Variants in MCOLN2 observed in about 807,000 individuals in gnomAD.
The protein encoded by MCOLN2 is mucolipin-2.
A neutral mutation model predicts 67.5 loss-of-function variants in MCOLN2; 57 were observed. The ratio of observed to expected loss-of-function variants is 0.84; its 90% CI spans 0.68 to 1.05. The LOEUF (loss-of-function observed/expected upper bound fraction) is 1.05. Among genes scored for constraint, MCOLN2 ranks in the 50% least tolerant of loss-of-function variants. The pLI, the probability that MCOLN2 is intolerant of heterozygous loss-of-function variation, is 0.00. For missense variants in MCOLN2, 620 were observed against 678.8 expected (o/e 0.91, Z 0.96); for synonymous variants, 246 against 233.3 (o/e 1.05, Z -0.50).
chr1:84,955,624 T>C (rs755255072), intron 4 of MCOLN2, among the ~76,000 whole-genome samples: 11 of 152,124 alleles, frequency 7.2e-5, no homozygotes, highest in Non-Finnish European at 1.5e-4. Flanking sequence ...CTGGAAGAGA[T>C]ATGACCTGAT....
intron 3 of MCOLN2, among the ~76,000 whole-genome samples, chr1:84,957,008 A>G (rs770402697): frequency 1.3e-5 from 2 of 152,102 alleles, no homozygotes; most frequent in Admixed American, 6.5e-5. Flanking sequence ...TCAGCTCTCA[A>G]TTCCGCACCT....
intron 7 of MCOLN2, among the ~76,000 whole-genome samples, chr1:84,943,949 T>C (rs1054359194): frequency 1.2e-4 from 18 of 151,962 alleles, no homozygotes; most frequent in African/African-American, 4.4e-4. Context: ...TAATGCAAGA[T>C]TTTTTTTCCC....
chr1:84,989,782 G>A (rs1213605994), intron 1 of MCOLN2, among the ~76,000 whole-genome samples: 1 of 152,108 alleles, frequency 6.6e-6, no homozygotes, highest in African/African-American at 2.4e-5. Context: ...ACTATCTATT[G>A]TGATCTGTAA....
At chr1:84,968,903 C>T (rs1208034072) in intron 1 of MCOLN2, among the ~76,000 whole-genome samples, 1 of 152,254 alleles carries the variant, frequency 6.6e-6, no homozygotes, top group Non-Finnish European at 1.5e-5. Flanking sequence ...AGGATCTGAA[C>T]AGACAGGCCT....
rs375049209 is a variant in MCOLN2, at chr1:84,940,864, C to T, written c.960+15G>A. ...AGGCCAAGAGGGCAGGAAGAGAATG[C>T]GAACACACTCTTACCTTCCGTAACC... On this transcript the variant is annotated intron_variant, in intron 8 of 13. Coordinates refer to ENST00000370608, the MANE Select transcript of MCOLN2 (RefSeq NM_153259.4). 2.6e-5 allele frequency: 40 copies of T among 1,565,820 alleles called. No homozygotes were observed. The highest frequency in any genetic ancestry group is 2.9e-5 in the Non-Finnish European group (33 of 1,141,132).
chr1:84,958,738 C>T (rs962648040), intron 2 of MCOLN2, 36 bp from the exon 3 acceptor site: 3 of 1,457,090 alleles, frequency 2.1e-6, no homozygotes, highest in Non-Finnish European at 2.8e-6. Flanking sequence ...ACATGAATTA[C>T]ACCATTTATC....
rs1571042616 is a variant in MCOLN2 at position 84,986,240 on chromosome 1, A to G, written c.77+10556T>C. On this transcript the variant is annotated intron_variant, in intron 1 of 13. Transcript: ENST00000370608. The stretch of plus-strand genomic sequence containing the variant: ...GGTGCTGGAATAATTGGCAGGCCAC[A>G]TGTAGAAGAATAAAACTGGGCCGGG... Among the ~76,000 whole-genome samples the G allele has an allele frequency of 2.0e-5, 3 of 152,196 alleles. 1 individual carries two copies. The South Asian group carries it at 6.2e-4, about 32-fold the overall frequency.
intron 4 of MCOLN2, among the ~76,000 whole-genome samples, chr1:84,954,122 C>T (rs1648656552): frequency 6.6e-6 from 1 of 152,188 alleles, no homozygotes; most frequent in Admixed American, 6.5e-5. Flanking sequence ...GCTAAACGCC[C>T]ATTGCCTAGC....
chr1:84,961,501 G>A (rs916171828), intron 2 of MCOLN2, among the ~76,000 whole-genome samples: 2 of 152,068 alleles, frequency 1.3e-5, no homozygotes, highest in African/African-American at 4.8e-5. Flanking sequence ...CTGGCATCAG[G>A]AGCAAGAAAT....
chr1:84,990,935 G>GA (rs1033877068), intron 1 of MCOLN2, among the ~76,000 whole-genome samples: 67 of 140,436 alleles, frequency 4.8e-4, no homozygotes, highest in African/African-American at 1.4e-3. Flanking sequence ...ACCCAGGCTG[G>GA]AAAAAAAAAA....
chr1:84,963,535 A>T (rs1649202239), intron 2 of MCOLN2, among the ~76,000 whole-genome samples: 1 of 152,192 alleles, frequency 6.6e-6, no homozygotes, highest in Non-Finnish European at 1.5e-5. Flanking sequence ...CCAAATCTCA[A>T]GTCGAATTGT....
At chr1:84,965,811 C>A (rs1343457770) in intron 1 of MCOLN2, 103 bp from the exon 2 acceptor site, 895 of 797,918 alleles carry the variant, frequency 1.1e-3, no homozygotes, top group Middle Eastern at 1.8e-3. Flanking sequence ...TATGGCATGT[C>A]ATATACTGAA....
intron 11 of MCOLN2, 133 bp downstream of exon 11, chr1:84,937,622 T>C: frequency 6.9e-7 from 1 of 1,453,936 alleles, no homozygotes; most frequent in South Asian, 1.5e-5. Flanking sequence ...AAAAGAAAAC[T>C]GATACAAAGA....
intron 13 of MCOLN2, among the ~76,000 whole-genome samples, chr1:84,928,401 G>A (rs925061972): frequency 2.6e-5 from 4 of 152,018 alleles, no homozygotes; most frequent in Non-Finnish European, 4.4e-5. Context: ...TGGGGTCCAC[G>A]CCTTAAATCT....
chr1:84,937,334 G>C (rs1413141508), intron 11 of MCOLN2: 1 of 154,162 alleles, frequency 6.5e-6, no homozygotes, highest in African/African-American at 2.4e-5. Context: ...TACTATGGTC[G>C]TTTTAGGCAG....
intron 1 of MCOLN2, among the ~76,000 whole-genome samples, chr1:84,979,810 G>A (rs1478576449): frequency 6.6e-6 from 1 of 152,108 alleles, no homozygotes; most frequent in East Asian, 1.9e-4. Flanking sequence ...ACATAGTACT[G>A]GAAGTTCTAG....
At chr1:84,971,272 C>T (rs562483477) in intron 1 of MCOLN2, among the ~76,000 whole-genome samples, 14 of 151,848 alleles carry the variant, frequency 9.2e-5, no homozygotes, top group African/African-American at 3.4e-4. Context: ...AATAAAGGTG[C>T]ATGATGAGAT....
At chr1:84,977,531 A>T (rs1307844698) in intron 1 of MCOLN2, among the ~76,000 whole-genome samples, 1 of 152,166 alleles carries the variant, frequency 6.6e-6, no homozygotes, top group African/African-American at 2.4e-5. Context: ...GACTGAAAAT[A>T]AAGGGATGGA....
rs548747372 is a variant in MCOLN2, at chr1:84,927,025, C to T, written c.1665-304G>A. On this transcript the variant is annotated intron_variant, in intron 13 of 13. Transcript: ENST00000370608. ...CATGCCCCCAGGGAGGGGAACATCG[C>T]ACACGGGGAAATGTTGGGGGGTAGG... is the stretch of plus-strand genomic sequence containing the variant. Among the ~76,000 whole-genome samples, 11 of 148,852 alleles carry T rather than the reference C, an allele frequency of 7.4e-5. No individual in the cohort carries two copies. The South Asian group carries it at 1.5e-3, about 20-fold the overall frequency.
Sources: allele counts gnomAD v4.1 joint callset (sites outside exome capture counted in the v4.1 genomes callset), GRCh38; gene constraint gnomAD v4.1.1; transcripts MANE v1.5; gene names NCBI Gene and HGNC (gene_info 2026-07-23, HGNC 2026-07-21).